The following FGFR2 variants were observed in gnomAD, a reference collection of about 807,000 sequenced individuals.
FGFR2 encodes fibroblast growth factor receptor 2.
Under a neutral mutation model 95.9 loss-of-function variants are expected in FGFR2, and 19 were observed. The ratio of observed to expected loss-of-function variants is 0.20; its 90% CI spans 0.14 to 0.29. The LOEUF (loss-of-function observed/expected upper bound fraction) is 0.29, where lower values mean the gene tolerates loss of function less well. Among genes scored for constraint, FGFR2 ranks in the 10% least tolerant of loss-of-function variants. The pLI is 1.00. For synonymous variants in FGFR2, 392 were observed against 393.3 expected, an observed-to-expected ratio of 1.00 and a Z score of 0.04; for missense variants, 707 against 1,056.9, an observed-to-expected ratio of 0.67 and a Z score of 4.59.
chr10:121,504,676 C>T (rs561095251), intron 9 of FGFR2, among the ~76,000 whole-genome samples: 1 of 152,322 alleles, frequency 6.6e-6, no homozygotes, highest in African/African-American at 2.4e-5. Flanking sequence ...AGAAAATACA[C>T]CTTTTCCCAT....
intron 12 of FGFR2, 35 bp downstream of exon 12, chr10:121,498,460 G>T: frequency 7.7e-7 from 1 of 1,303,216 alleles, no homozygotes; most frequent in Non-Finnish European, 1.1e-6. Flanking sequence ...AAACTGCAGA[G>T]TATTTGGGCG....
intron 12 of FGFR2, 62 bp from the exon 13 acceptor site, chr10:121,496,784 A>G: frequency 3.4e-6 from 5 of 1,471,954 alleles, no homozygotes; most frequent in Non-Finnish European, 4.7e-6. Context: ...TGGGCAATTC[A>G]GCAAAACATT....
intron 3 of FGFR2, among the ~76,000 whole-genome samples, chr10:121,565,076 G>C (rs1857479350): frequency 6.7e-6 from 1 of 148,990 alleles, no homozygotes; most frequent in Non-Finnish European, 1.5e-5. Flanking sequence ...CTGCATAGAA[G>C]GAAATCATGG....
At chr10:121,572,163 A>G (rs941852774) in intron 2 of FGFR2, among the ~76,000 whole-genome samples, 4 of 151,080 alleles carry the variant, frequency 2.6e-5, no homozygotes, top group African/African-American at 9.7e-5. Context: ...AAAATGAAAA[A>G]AAAAAAAAAA....
chr10:121,539,105 A>G (rs1785682515), intron 5 of FGFR2, among the ~76,000 whole-genome samples: 1 of 152,240 alleles, frequency 6.6e-6, no homozygotes, highest in African/African-American at 2.4e-5. Flanking sequence ...CTCAGCCTCT[A>G]TGGCATCACA....
At chr10:121,524,101 TACACACACACACACACACACACAC>T (rs61527395) in intron 6 of FGFR2, among the ~76,000 whole-genome samples, 3 of 89,132 alleles carry the variant, frequency 3.4e-5, no homozygotes, top group African/African-American at 1.1e-4. Context: ...CGGCTATGTA[TACACACACACACACACACACACAC>T]ACACACACAC....
At chr10:121,542,026 T>C (rs529517732) in intron 5 of FGFR2, among the ~76,000 whole-genome samples, 14 of 152,344 alleles carry the variant, frequency 9.2e-5, no homozygotes, top group Admixed American at 2.6e-4. Flanking sequence ...TAAGAATGCA[T>C]AGTTCATCCT....
chr10:121,568,797 A>T (rs1158979103), intron 2 of FGFR2, among the ~76,000 whole-genome samples: 1 of 152,138 alleles, frequency 6.6e-6, no homozygotes, highest in Non-Finnish European at 1.5e-5. Context: ...TCTTGCTGAA[A>T]CTGGGGGTAT....
rs192418024 is a variant in FGFR2 at position 121,572,970 on chromosome 10, T to C, written c.110-7266A>G. On this transcript the variant is annotated intron_variant, in intron 2 of 17. Transcript: ENST00000358487. ...AAAAGTCAAAAAAGGCTGTGACTTATGTGACTTCACTGCACACATCCAGCT... is the reference window on the plus strand; with the variant it reads ...AAAAGTCAAAAAAGGCTGTGACTTACGTGACTTCACTGCACACATCCAGCT... Among the ~76,000 whole-genome samples, 5 of 152,398 alleles carry C rather than the reference T, an allele frequency of 3.3e-5. No homozygotes were observed. The East Asian group carries it at 7.7e-4, about 23-fold the overall frequency.
intron 5 of FGFR2, among the ~76,000 whole-genome samples, chr10:121,540,924 G>C (rs1303832768): frequency 6.6e-5 from 10 of 152,102 alleles, no homozygotes; most frequent in Admixed American, 4.6e-4. Flanking sequence ...ACAGGGAGGG[G>C]ACATCGCCTG....
intron 6 of FGFR2, chr10:121,537,851 T>C (rs1206574834): frequency 1.3e-5 from 2 of 158,288 alleles, no homozygotes; most frequent in Non-Finnish European, 2.8e-5. Context: ...GAGTTCCATA[T>C]GTTAGCAATC....
At chr10:121,551,134 C>A (rs924062746) in intron 5 of FGFR2, among the ~76,000 whole-genome samples, 156 bp downstream of exon 5, 4 of 151,968 alleles carry the variant, frequency 2.6e-5, no homozygotes, top group Non-Finnish European at 5.9e-5. Flanking sequence ...GCAGGAGAAT[C>A]GCTTGAACCT....
At position 121,479,913 on chromosome 10, in the gene FGFR2, G is replaced by C. The variant is rs575812178; in HGVS notation, c.2410C>G (p.Pro804Ala). The C allele has an allele frequency of 1.9e-5, 30 of 1,614,022 alleles. No homozygotes were observed. The South Asian group carries it at 3.0e-4, about 16-fold the overall frequency. Residue 804 changes from proline to alanine, a missense_variant, in exon 18 of 18, where the codon CCT becomes GCT. By Grantham distance (27) the Pro-to-Ala change is conservative. Around this residue, in one of 7 missense-constraint regions of FGFR2, gnomAD observed 51 missense variants for 50.2 expected, o/e 1.01. Transcript: ENST00000358487. The stretch of plus-strand genomic sequence containing the variant: ...TACTGAGGAAGGCATGGTTCGTAAG[G>C]CATGGGGTCTGGAGAAAAAACAGAA... ...DDSVFSPDPM[P>A]YEPCLPQYPH...
intron 16 of FGFR2, 136 bp from the exon 17 acceptor site, chr10:121,483,939 G>T: frequency 1.5e-6 from 1 of 683,856 alleles, no homozygotes; most frequent in Middle Eastern, 3.4e-4. Flanking sequence ...TAGATTAGGG[G>T]GTCATGAATC....
chr10:121,536,896 T>C (rs559108545), intron 6 of FGFR2, among the ~76,000 whole-genome samples: 29 of 152,274 alleles, frequency 1.9e-4, no homozygotes, highest in Non-Finnish European at 3.8e-4. Context: ...AAATTAGGTA[T>C]TTAGAACATT....
intron 2 of FGFR2, among the ~76,000 whole-genome samples, chr10:121,570,181 C>T (rs2135192117): frequency 6.6e-6 from 1 of 152,372 alleles, no homozygotes; most frequent in African/African-American, 2.4e-5. Flanking sequence ...GGAAGCAGCT[C>T]TGTCCCTGCC....
chr10:121,593,587 G>A (rs1418380028), intron 2 of FGFR2, 122 bp downstream of exon 2: 6 of 867,364 alleles, frequency 6.9e-6, no homozygotes, highest in Non-Finnish European at 9.5e-6. Flanking sequence ...AAGAGACCAC[G>A]ATCTGGTGCT....
At chr10:121,579,830 C>T (rs1217466677) in intron 2 of FGFR2, among the ~76,000 whole-genome samples, 2 of 152,096 alleles carry the variant, frequency 1.3e-5, no homozygotes, top group Admixed American at 6.5e-5. Context: ...TGCGTTACTG[C>T]GAGTTGGGGC....
intron 6 of FGFR2, among the ~76,000 whole-genome samples, chr10:121,524,146 A>ACCCC (rs1554933622): frequency 0.016 from 2,147 of 136,860 alleles, 28 homozygotes; most frequent in East Asian, 0.035. Flanking sequence ...ACACACACAC[A>ACCCC]CCCCAAGTTT....
Sources: allele counts gnomAD v4.1 joint callset (sites outside exome capture counted in the v4.1 genomes callset), GRCh38; gene constraint gnomAD v4.1.1; regional missense constraint gnomAD v4.1.1; transcripts MANE v1.5; gene names NCBI Gene and HGNC (gene_info 2026-07-23, HGNC 2026-07-21).